NSDHL: variants seen among roughly 807,000 people sequenced by gnomAD.
The protein encoded by NSDHL is NAD(P) dependent 3-beta-hydroxysteroid dehydrogenase NSDHL.
In NSDHL, 1 loss-of-function variant was observed where a neutral mutation model predicts 23.0. The ratio of observed to expected loss-of-function variants is 0.04; its 90% CI spans 0.02 to 0.21. NSDHL has a LOEUF of 0.21. Ranked by LOEUF, NSDHL falls within the 10% of genes least tolerant of loss-of-function variation. The probability of loss-of-function intolerance (pLI) is 1.00; values close to 1 mark genes in which losing one functional copy is unlikely to be tolerated. For synonymous variants in NSDHL, 128 were observed against 121.1 expected, an observed-to-expected ratio of 1.06 and a Z score of -0.37; for missense variants, 237 against 300.9, an observed-to-expected ratio of 0.79 and a Z score of 1.57.
At chrX:152,856,109 G>A (rs905261714) in intron 3 of NSDHL, among the ~76,000 whole-genome samples, 1 of 111,530 alleles carries the variant, frequency 9.0e-6, no homozygotes, top group Admixed American at 9.6e-5. Flanking sequence ...GGGTTTTGCC[G>A]ATTACATCCC....
In NSDHL at chrX:152,862,728, T is replaced by G. The variant is rs1556847655; in HGVS notation, c.543+4T>G. 1 of 1,207,751 alleles carries G rather than the reference T, an allele frequency of 8.3e-7. No individual in the cohort carries two copies. Among genetic ancestry groups the G allele is most frequent in the Admixed American group, 2.2e-5 (1 of 46,061 alleles). ...GACTAAGATCTTACAGGAGAGGGTA[T>G]GTACCTTGGAACTGGTTGAGTGAGC... On this transcript the variant is annotated splice_donor_region_variant and intron_variant, in intron 5 of 7. Coordinates refer to ENST00000370274, the MANE Select transcript of NSDHL (RefSeq NM_015922.3).
At position 152,865,905 on chromosome X, in the gene NSDHL, G is replaced by A. The variant is rs782815066; in HGVS notation, c.630G>A (p.Gln210=). The A allele has an allele frequency of 8.2e-7, 1 of 1,212,333 alleles. No homozygotes were observed. The highest frequency in any genetic ancestry group is 3.0e-5 in the East Asian group (1 of 33,861). ...PHGIFGPRDP[Q]LVPILIEAAR... The stretch of plus-strand genomic sequence containing the variant: ...GCATTTTCGGCCCAAGGGACCCGCA[G>A]TTGGTACCCATCCTCATCGAGGCAG... Residue 210 remains glutamine (Q), a synonymous_variant, in exon 6 of 8, where the codon CAG becomes CAA. Transcript: ENST00000370274.
intron 1 of NSDHL, among the ~76,000 whole-genome samples, chrX:152,841,093 G>A (rs1429194573): frequency 1.8e-5 from 2 of 113,059 alleles, no homozygotes; most frequent in African/African-American, 3.2e-5. Context: ...AGGCTCCATG[G>A]CCATGGGACC....
intron 1 of NSDHL, among the ~76,000 whole-genome samples, chrX:152,842,122 C>T (rs1382714901): frequency 8.9e-6 from 1 of 112,399 alleles, no homozygotes; most frequent in African/African-American, 3.2e-5. Flanking sequence ...TGTCAGTGGA[C>T]ACATTGCTGC....
intron 4 of NSDHL, among the ~76,000 whole-genome samples, chrX:152,859,499 C>A (rs189383728): frequency 8.9e-6 from 1 of 112,137 alleles, no homozygotes; most frequent in East Asian, 2.8e-4. Context: ...TTGTGTCTGG[C>A]TTTTCACCGA....
At chrX:152,853,940 C>T (rs1185143684) in intron 3 of NSDHL, among the ~76,000 whole-genome samples, 1 of 112,431 alleles carries the variant, frequency 8.9e-6, no homozygotes, top group African/African-American at 3.2e-5. Context: ...CTGATTGAAA[C>T]ATGATTGACC....
At chrX:152,865,231 A>ATG (rs782415068) in intron 5 of NSDHL, among the ~76,000 whole-genome samples, 1 of 111,872 alleles carries the variant, frequency 8.9e-6, no homozygotes, top group African/African-American at 3.2e-5. Context: ...AGGACTTTAC[A>ATG]TGTCTCGGCC....
At position 152,869,615 on chromosome X, in the gene NSDHL, A is replaced by G. The variant is rs191676005; in HGVS notation, c.*499A>G. On this transcript the variant is annotated 3_prime_UTR_variant, in exon 8 of 8. Transcript: ENST00000370274. ...CACACAGGTGAGACTTTACATATAC[A>G]TTTCATACTGACAGTGAGCTTAGAG... 1 of 139,468 alleles carries G rather than the reference A, an allele frequency of 7.2e-6. No individual in the cohort carries two copies. The highest frequency in any genetic ancestry group is 2.1e-4 in the South Asian group (1 of 4,770). The allele number at this position is 139,468 out of a possible 1,213,427, so 11.5% of individuals were successfully genotyped here. A position where few individuals can be genotyped will look rare whatever the true frequency, so the allele number is the denominator to read the frequency against.
rs146838664 is a variant in NSDHL, at chrX:152,842,390, C to G, written c.-43-3892C>G. Among the ~76,000 whole-genome samples, 264 of 112,591 alleles carry G rather than the reference C, an allele frequency of 2.3e-3. 1 individual carries two copies. The highest frequency in any genetic ancestry group is 8.1e-3 in the African/African-American group (251 of 31,015). On this transcript the variant is annotated intron_variant, in intron 1 of 7. Transcript: ENST00000370274. ...ACTGACACTTGCTATTTTCTCTTTT[C>G]TGGCTTTTGATAATAGCCATCCTAA...
At chrX:152,863,630 C>T (rs1329398896) in intron 5 of NSDHL, among the ~76,000 whole-genome samples, 1 of 112,900 alleles carries the variant, frequency 8.9e-6, no homozygotes, top group Non-Finnish European at 1.9e-5. Context: ...CAGCCACGGT[C>T]GCTACCAAGC....
chrX:152,852,091 C>T (rs1933367036), intron 3 of NSDHL, among the ~76,000 whole-genome samples: 1 of 110,876 alleles, frequency 9.0e-6, no homozygotes, highest in Admixed American at 9.6e-5. Context: ...TCGTGCCTCA[C>T]TGCCTTTAGT....
Position 152,869,359 on chromosome X carries a change from CTGTCTTT to C in NSDHL, c.*245_*251del, listed in dbSNP as rs1933671890. 2.4e-6 allele frequency: 1 copy of C among 424,329 alleles called. No individual in the cohort carries two copies. Among genetic ancestry groups the C allele is most frequent in the Admixed American group, 3.5e-5 (1 of 28,655 alleles). 35.0% of individuals were successfully genotyped at this position (424,329 alleles called of 1,213,427 possible). A position where few individuals can be genotyped will look rare whatever the true frequency, so the allele number is the denominator to read the frequency against. ...GCTTCATATTATACCGATTTGTTCT[CTGTCTTT>C]TTGTGTCTCTCTGTTTACCCCCTCC... On this transcript the variant is annotated 3_prime_UTR_variant, in exon 8 of 8. Transcript: ENST00000370274.
intron 3 of NSDHL, among the ~76,000 whole-genome samples, chrX:152,856,382 T>A (rs1231553106): frequency 1.8e-5 from 2 of 112,544 alleles, no homozygotes; most frequent in Non-Finnish European, 3.7e-5. Context: ...CTATAAACTT[T>A]AAAGTCACTG....
intron 3 of NSDHL, among the ~76,000 whole-genome samples, chrX:152,854,582 G>C (rs1193654741): frequency 9.2e-6 from 1 of 109,240 alleles, no homozygotes; most frequent in Non-Finnish European, 1.9e-5. Context: ...GCTAATTTTT[G>C]TATTTTTAGT....
At chrX:152,850,503 C>A in intron 3 of NSDHL, 80 bp downstream of exon 3, 1 of 991,423 alleles carries the variant, frequency 1.0e-6, no homozygotes, top group Non-Finnish European at 1.4e-6. Context: ...CAGAAGCCAG[C>A]CAATTTGTTT....
At position 152,865,486 on chromosome X, in the gene NSDHL, C is replaced by T. The variant is rs782729526; in HGVS notation, c.544-333C>T. Among the ~76,000 whole-genome samples, 6 of 113,055 alleles carry T rather than the reference C, an allele frequency of 5.3e-5. No homozygotes were observed. In the South Asian group the frequency reaches 1.8e-3, roughly 34 times the overall value. On this transcript the variant is annotated intron_variant, in intron 5 of 7. Transcript: ENST00000370274. ...TTGGACGTTTTCCACAAACTGCTGCCGAGGCATGTCTTCTGGCAGTGTTGG... is the reference window on the plus strand; with the variant it reads ...TTGGACGTTTTCCACAAACTGCTGCTGAGGCATGTCTTCTGGCAGTGTTGG...
intron 1 of NSDHL, among the ~76,000 whole-genome samples, chrX:152,838,400 A>G (rs1471361215): frequency 9.0e-6 from 1 of 111,669 alleles, no homozygotes. Context: ...TAGGGTGTCA[A>G]TTTTAGATCT....
rs1311931208 is a variant in NSDHL at position 152,858,724 on chromosome X, C to T, written c.268-46C>T. The T allele has an allele frequency of 7.7e-6, 9 of 1,172,384 alleles. No individual in the cohort carries two copies. In the Admixed American group the frequency reaches 8.7e-5, roughly 11 times the overall value. The stretch of plus-strand genomic sequence containing the variant: ...GGTGAAAACATGAGAATGCCATTGA[C>T]CTGTCAAAGCAGGAATGATTATTTT... On this transcript the variant is annotated intron_variant, in intron 3 of 7. Transcript: ENST00000370274.
intron 4 of NSDHL, among the ~76,000 whole-genome samples, chrX:152,862,292 T>TA (rs782403430): frequency 1.8e-5 from 2 of 112,430 alleles, no homozygotes; most frequent in African/African-American, 6.5e-5. Flanking sequence ...AAGTCTATTC[T>TA]ATCTCTCAGG....
Sources: allele counts gnomAD v4.1 joint callset (sites outside exome capture counted in the v4.1 genomes callset), GRCh38; gene constraint gnomAD v4.1.1; transcripts MANE v1.5; gene names NCBI Gene and HGNC (gene_info 2026-07-23, HGNC 2026-07-21).